CDH4: variants seen among roughly 807,000 people sequenced by gnomAD.
The protein encoded by CDH4 is cadherin 4, also known as cadherin-4.
CDH4 carries 33 observed loss-of-function variants against 86.0 expected under a neutral mutation model. That is an observed-to-expected ratio of 0.38 (90% confidence interval 0.29 to 0.51). The LOEUF is 0.51. Ranked by LOEUF, CDH4 falls within the 20% of genes least tolerant of loss-of-function variation. The pLI is 0.86. For missense variants in CDH4, 1,114 were observed against 1,307.4 expected (o/e 0.85, Z 2.28); for synonymous variants, 555 against 549.4 (o/e 1.01, Z -0.14).
At chr20:61,424,199 A>C (rs988298921) in intron 2 of CDH4, among the ~76,000 whole-genome samples, 2 of 151,450 alleles carry the variant, frequency 1.3e-5, no homozygotes, top group African/African-American at 4.9e-5. Context: ...ATGTATCCAC[A>C]CGCATCCACA....
intron 4 of CDH4, among the ~76,000 whole-genome samples, chr20:61,788,061 C>T (rs1053250030): frequency 5.9e-5 from 9 of 152,166 alleles, no homozygotes; most frequent in African/African-American, 1.7e-4. Context: ...CGTGAGGGAC[C>T]AGGCAGAGCA....
At chr20:61,871,226 A>T (rs572198520) in intron 6 of CDH4, among the ~76,000 whole-genome samples, 1 of 152,054 alleles carries the variant, frequency 6.6e-6, no homozygotes, top group Non-Finnish European at 1.5e-5. Flanking sequence ...TATCACATTT[A>T]GTGTCTATTT....
At chr20:61,394,260 C>T (rs920453857) in intron 2 of CDH4, among the ~76,000 whole-genome samples, 4 of 152,046 alleles carry the variant, frequency 2.6e-5, no homozygotes, top group Non-Finnish European at 4.4e-5. Flanking sequence ...CATTTCCACC[C>T]GGGAAGGCAT....
rs139300079 is a variant in CDH4 at position 61,718,948 on chromosome 20, G to A, written c.170-24615G>A. 9.6e-3 allele frequency: 4,507 copies of A among 471,006 alleles called. 120 individuals are homozygous for A. The highest frequency in any genetic ancestry group is 0.036 in the South Asian group (2,295 of 64,496). 29.2% of individuals were successfully genotyped at this position (471,006 alleles called of 1,614,324 possible). On this transcript the variant is annotated intron_variant, in intron 2 of 15. Coordinates refer to ENST00000614565, the MANE Select transcript of CDH4 (RefSeq NM_001794.5). ...GGGTGTTGGTTAGTGGGTGAAGCAG[G>A]GGTCTTCTCTCCTCGCCCTGCCCCC... is the stretch of plus-strand genomic sequence containing the variant.
At chr20:61,691,450 T>C (rs1468768827) in intron 2 of CDH4, among the ~76,000 whole-genome samples, 2 of 152,038 alleles carry the variant, frequency 1.3e-5, no homozygotes, top group Admixed American at 6.6e-5. Context: ...TGTCTGTGTG[T>C]ATGTGTGTGC....
intron 14 of CDH4, among the ~76,000 whole-genome samples, chr20:61,933,501 G>A (rs916548595): frequency 6.6e-6 from 1 of 152,206 alleles, no homozygotes. Context: ...CGCCCGGGAG[G>A]GTAGACTGTG....
chr20:61,362,252 G>A (rs981842534), intron 2 of CDH4, among the ~76,000 whole-genome samples: 1 of 152,224 alleles, frequency 6.6e-6, no homozygotes, highest in African/African-American at 2.4e-5. Flanking sequence ...GTGGGCCTTG[G>A]GGAGGGGTTT....
chr20:61,798,919 G>A (rs954491745), intron 4 of CDH4, among the ~76,000 whole-genome samples: 7 of 152,258 alleles, frequency 4.6e-5, no homozygotes, highest in African/African-American at 1.7e-4. Flanking sequence ...CCGACCCGAT[G>A]ACCCGGGCTC....
At chr20:61,635,771 C>CT (rs1335814508) in intron 2 of CDH4, among the ~76,000 whole-genome samples, 1 of 152,222 alleles carries the variant, frequency 6.6e-6, no homozygotes, top group African/African-American at 2.4e-5. Context: ...AGCGCTAGGG[C>CT]TGCAAGCACG....
rs1372923954 is a variant in CDH4 at position 61,417,646 on chromosome 20, A to C, written c.169+162709A>C. ...TGTAAATTGGCAGCGTGGATTGGGG[A>C]GCAAATTTCTAGCCGCTTCCCTCTC... On this transcript the variant is annotated intron_variant, in intron 2 of 15. Transcript: ENST00000614565. The surrounding 1 kb of genome is among the most constrained non-coding windows in gnomAD (Gnocchi z 4.0). Among the ~76,000 whole-genome samples the C allele has an allele frequency of 6.6e-6, 1 of 152,058 alleles. No homozygotes were observed. Among genetic ancestry groups the C allele is most frequent in the Non-Finnish European group, 1.5e-5 (1 of 68,012 alleles).
At chr20:61,412,953 G>A (rs935257577) in intron 2 of CDH4, among the ~76,000 whole-genome samples, 21 of 152,192 alleles carry the variant, frequency 1.4e-4, no homozygotes, top group Non-Finnish European at 2.5e-4. Context: ...GAGCCAGGCT[G>A]TGTTGATAGA....
chr20:61,339,812 A>T (rs1457736497), intron 2 of CDH4, among the ~76,000 whole-genome samples: 1 of 152,174 alleles, frequency 6.6e-6, no homozygotes, highest in Non-Finnish European at 1.5e-5. Flanking sequence ...GGGATCCATT[A>T]TCTGATGGAG....
intron 2 of CDH4, among the ~76,000 whole-genome samples, chr20:61,689,613 G>A (rs2087628856): frequency 1.4e-5 from 2 of 142,650 alleles, no homozygotes; most frequent in Middle Eastern, 7.6e-3. Context: ...GAAGTGATGT[G>A]GAATCAGGCT....
intron 2 of CDH4, among the ~76,000 whole-genome samples, chr20:61,621,189 G>C (rs1283616484): frequency 6.6e-6 from 1 of 152,190 alleles, no homozygotes; most frequent in Non-Finnish European, 1.5e-5. Flanking sequence ...GAGTGTGCAT[G>C]TAAGAAAGTC....
intron 2 of CDH4, among the ~76,000 whole-genome samples, chr20:61,608,940 A>G (rs576485852): frequency 1.3e-5 from 2 of 152,064 alleles, no homozygotes; most frequent in African/African-American, 2.4e-5. Context: ...ACCTGCATCA[A>G]GACTGCCCTG....
chr20:61,683,406 G>A (rs2087539815), intron 2 of CDH4, among the ~76,000 whole-genome samples: 1 of 152,194 alleles, frequency 6.6e-6, no homozygotes, highest in African/African-American at 2.4e-5. Flanking sequence ...GCAGTGAACG[G>A]CACGGGTTGC....
At chr20:61,421,976 C>G (rs1286367577) in intron 2 of CDH4, among the ~76,000 whole-genome samples, 1 of 152,172 alleles carries the variant, frequency 6.6e-6, no homozygotes, top group African/African-American at 2.4e-5. Context: ...GACACACATT[C>G]CTCACAGGCC....
At position 61,937,537 on chromosome 20, in the gene CDH4, G is replaced by A. The variant is rs1165805825; in HGVS notation, c.*594G>A. 2 of 152,184 alleles carry A rather than the reference G, an allele frequency of 1.3e-5. No homozygotes were observed. Among genetic ancestry groups the A allele is most frequent in the Non-Finnish European group, 1.5e-5 (1 of 68,036 alleles). The allele number at this position is 152,184 out of a possible 1,614,324, so 9.4% of individuals were successfully genotyped here. On this transcript the variant is annotated 3_prime_UTR_variant, in exon 16 of 16. Coordinates refer to ENST00000614565, the MANE Select transcript of CDH4 (RefSeq NM_001794.5). Reference sequence around the variant, plus strand: ...CTGTACACAGCTGGGGGTCTCTTGAGCCTCTTGGGAGTCAAGGCCAGCTGG... The same window carrying A: ...CTGTACACAGCTGGGGGTCTCTTGAACCTCTTGGGAGTCAAGGCCAGCTGG...
intron 4 of CDH4, among the ~76,000 whole-genome samples, chr20:61,816,506 C>A (rs1031713429): frequency 6.6e-6 from 1 of 152,190 alleles, no homozygotes; most frequent in Non-Finnish European, 1.5e-5. Flanking sequence ...TAAAAAGTAG[C>A]TACTATCACA....
Sources: gnomAD v4.1 joint callset for allele counts (sites outside exome capture counted in the v4.1 genomes callset) on GRCh38, gnomAD v4.1.1 for gene constraint, Gnocchi (gnomAD v3.1) non-coding constraint, MANE v1.5 for transcripts, NCBI Gene and HGNC (gene_info 2026-07-23, HGNC 2026-07-21) for gene names.